SLC17A1: variants seen among roughly 807,000 people sequenced by gnomAD.
The protein encoded by SLC17A1 is solute carrier family 17 member 1.
SLC17A1 carries 51 observed loss-of-function variants against 53.5 expected under a neutral mutation model. That is an observed-to-expected ratio of 0.95 (90% CI 0.76 to 1.20). SLC17A1 has a LOEUF of 1.20. Ranked by LOEUF, SLC17A1 falls within the 50% of genes most tolerant of loss-of-function variation. The pLI is 0.00. For missense variants in SLC17A1, 538 were observed against 568.2 expected, an observed-to-expected ratio of 0.95 and a Z score of 0.54; for synonymous variants, 179 against 198.8, an observed-to-expected ratio of 0.90 and a Z score of 0.84.
the SLC17A1 span, chr6:25,777,564 AAACAACAAC>A: frequency 0.56 from 89,844 of 161,858 alleles, 27,974 homozygotes; most frequent in East Asian, 0.8. Context: ...GCAGAAGCCA[AAACAACAAC>A]AACAACAACA....
intron 2 of SLC17A1, 119 bp downstream of exon 2, chr6:25,830,404 CT>C: frequency 1.3e-6 from 1 of 757,046 alleles, no homozygotes; most frequent in South Asian, 1.8e-5. Context: ...CTTCTACCTT[CT>C]TTTCTGAACA....
the SLC17A1 span, among the ~76,000 whole-genome samples, chr6:25,766,144 A>C: frequency 2.7e-5 from 4 of 149,842 alleles, no homozygotes; most frequent in Admixed American, 6.7e-5. Flanking sequence ...TTGAATTATA[A>C]TTTTATAGAA....
At chr6:25,745,259 T>C in the SLC17A1 span, among the ~76,000 whole-genome samples, 1 of 152,210 alleles carries the variant, frequency 6.6e-6, no homozygotes, top group Admixed American at 6.5e-5. Context: ...TCTCAAATTA[T>C]ATACAGAAAT....
intron 6 of SLC17A1, among the ~76,000 whole-genome samples, chr6:25,815,030 C>A (rs1372939083): frequency 2.8e-5 from 4 of 143,184 alleles, no homozygotes; most frequent in African/African-American, 7.7e-5. Context: ...CACACACACA[C>A]AAAGAATGAA....
intron 11 of SLC17A1, 42 bp from the exon 12 acceptor site, chr6:25,798,961 TG>T (rs1763670689): frequency 1.3e-6 from 2 of 1,519,308 alleles, no homozygotes; most frequent in African/African-American, 1.4e-5. Flanking sequence ...TTATTGCTCT[TG>T]TTTTTTTGTT....
chr6:25,736,355 A>C, the SLC17A1 span, among the ~76,000 whole-genome samples: 1 of 152,158 alleles, frequency 6.6e-6, no homozygotes, highest in African/African-American at 2.4e-5. Context: ...AATCATAGTC[A>C]ATTAAATGTG....
At chr6:25,801,270 A>C (rs1483578007) in intron 10 of SLC17A1, among the ~76,000 whole-genome samples, 1 of 152,232 alleles carries the variant, frequency 6.6e-6, no homozygotes, top group East Asian at 1.9e-4. Flanking sequence ...CCATTGAGAA[A>C]TTCAGAAGGT....
chr6:25,743,104 G>A, the SLC17A1 span, among the ~76,000 whole-genome samples: 1 of 152,198 alleles, frequency 6.6e-6, no homozygotes, highest in Admixed American at 6.5e-5. Flanking sequence ...TCATCTCCAT[G>A]TGTTGGTACA....
the SLC17A1 span, among the ~76,000 whole-genome samples, chr6:25,737,321 C>T: frequency 6.6e-6 from 1 of 152,040 alleles, no homozygotes; most frequent in Admixed American, 6.6e-5. Context: ...CTCAACTGGT[C>T]CTATGGCCAC....
At chr6:25,778,711 A>G (rs1763142144), downstream of SLC17A1, among the ~76,000 whole-genome samples, 1 of 152,248 alleles carries the variant, frequency 6.6e-6, no homozygotes, top group South Asian at 2.1e-4. Context: ...AGCAAATGCT[A>G]AGAGGAGAAT....
At chr6:25,782,397 G>C (rs1038759599), downstream of SLC17A1, among the ~76,000 whole-genome samples, 21 of 152,080 alleles carry the variant, frequency 1.4e-4, no homozygotes, top group African/African-American at 5.1e-4. Context: ...TTATTTTGTA[G>C]CATCTTTAAC....
intron 10 of SLC17A1, among the ~76,000 whole-genome samples, chr6:25,801,745 A>G (rs555833204): frequency 6.6e-6 from 1 of 152,144 alleles, no homozygotes; most frequent in Non-Finnish European, 1.5e-5. Context: ...AGTCTTTCCC[A>G]TTCCTACTCT....
chr6:25,780,533 T>C (rs529208492), downstream of SLC17A1: 10 of 152,174 alleles, frequency 6.6e-5, no homozygotes, highest in Non-Finnish European at 1.3e-4. Flanking sequence ...GAGGGAGAAA[T>C]TAGCTATGGC....
the SLC17A1 span, among the ~76,000 whole-genome samples, chr6:25,723,920 T>C: frequency 1.3e-5 from 2 of 152,232 alleles, no homozygotes; most frequent in South Asian, 4.1e-4. Context: ...TCTGCCTACC[T>C]GGAAAACCAC....
chr6:25,770,099 G>C, the SLC17A1 span: 1 of 1,614,018 alleles, frequency 6.2e-7, no homozygotes, highest in Non-Finnish European at 8.5e-7. Context: ...CTGAAATCCA[G>C]GGAATCATCC....
chr6:25,770,025 T>A, the SLC17A1 span: 2 of 1,581,204 alleles, frequency 1.3e-6, no homozygotes, highest in African/African-American at 1.3e-5. Flanking sequence ...AAACTGTCAA[T>A]CCTTCAACTA....
At chr6:25,745,625 G>A in the SLC17A1 span, among the ~76,000 whole-genome samples, 41,166 of 151,952 alleles carry the variant, frequency 0.27, 6,738 homozygotes, top group East Asian at 0.7. Flanking sequence ...AACTTGCTCA[G>A]TCTTTGTGTT....
At chr6:25,731,779 T>C in the SLC17A1 span, 4 of 1,574,874 alleles carry the variant, frequency 2.5e-6, no homozygotes, top group South Asian at 2.3e-5. Flanking sequence ...GGCCCTATCA[T>C]GTTTTACTTG....
Position 25,826,560 on chromosome 6 carries a change from C to T in SLC17A1, c.108G>A (p.Gln36=). The T allele has an allele frequency of 6.2e-7, 1 of 1,612,118 alleles. No homozygotes were observed. Among genetic ancestry groups the T allele is most frequent in the Non-Finnish European group, 8.5e-7 (1 of 1,178,684 alleles). Residue 36 remains glutamine, a synonymous_variant, in exon 3 of 13, where the codon CAG becomes CAA. Transcript: ENST00000244527. ...CCATTGTGAGGTTCAGGCACGCACG[C>T]TGTGCTGTTATTATAACATTACAAC... The part of the protein sequence containing the change: ...VHCCNVIITA[Q]RACLNLTMVV...
Sources: gnomAD v4.1 joint callset for allele counts (sites outside exome capture counted in the v4.1 genomes callset) on GRCh38, gnomAD v4.1.1 for gene constraint, MANE v1.5 for transcripts, NCBI Gene and HGNC (gene_info 2026-07-23, HGNC 2026-07-21) for gene names.